Variants in WDFY2 observed in about 807,000 individuals in gnomAD.
WDFY2 encodes WD repeat and FYVE domain containing 2.
In WDFY2, 36 loss-of-function variants were observed where a neutral mutation model predicts 56.4. The ratio of observed to expected loss-of-function variants is 0.64; its 90% CI spans 0.49 to 0.84. The LOEUF is 0.84. Among genes scored for constraint, WDFY2 ranks in the 40% least tolerant of loss-of-function variants. The probability of loss-of-function intolerance (pLI) is 0.00; values close to 1 mark genes in which losing one functional copy is unlikely to be tolerated. For synonymous variants in WDFY2, 176 were observed against 183.7 expected, an observed-to-expected ratio of 0.96 and a Z score of 0.34; for missense variants, 444 against 512.2, an observed-to-expected ratio of 0.87 and a Z score of 1.29.
chr13:51,611,090 G>A (rs1451944099), intron 1 of WDFY2, among the ~76,000 whole-genome samples: 1 of 152,192 alleles, frequency 6.6e-6, no homozygotes, highest in African/African-American at 2.4e-5. Context: ...AAGAATGCTT[G>A]TCTCCAAAAG....
chr13:51,736,399 T>C (rs1952837030), intron 6 of WDFY2, among the ~76,000 whole-genome samples: 1 of 152,188 alleles, frequency 6.6e-6, no homozygotes, highest in Non-Finnish European at 1.5e-5. Context: ...TATAATACCA[T>C]ATCCAAACTT....
At chr13:51,716,649 C>T (rs1457474589) in intron 4 of WDFY2, among the ~76,000 whole-genome samples, 4 of 144,822 alleles carry the variant, frequency 2.8e-5, no homozygotes, top group Non-Finnish European at 3.0e-5. Context: ...GCCGAGATCC[C>T]GCCACTGCAC....
In WDFY2 at chr13:51,762,911, C is replaced by T. The variant is rs1203741963; in HGVS notation, c.*3142C>T. On this transcript the variant is annotated 3_prime_UTR_variant, in exon 12 of 12. Transcript: ENST00000298125. ...CCTCCAAACGAATGACATTACTTGA[C>T]ATTACTGCCTGAGTGTATCTTCACA... 2.6e-5 allele frequency: 4 copies of T among 152,212 alleles called. No homozygotes were observed. Among genetic ancestry groups the T allele is most frequent in the Non-Finnish European group, 5.9e-5 (4 of 68,046 alleles). The allele number at this position is 152,212 out of a possible 1,614,324, so 9.4% of individuals were successfully genotyped here. A position where few individuals can be genotyped will look rare whatever the true frequency, so the allele number is the denominator to read the frequency against.
chr13:51,627,975 G>A (rs556545291), intron 1 of WDFY2, among the ~76,000 whole-genome samples: 4 of 152,144 alleles, frequency 2.6e-5, no homozygotes, highest in Admixed American at 6.5e-5. Flanking sequence ...TGATTGGTTC[G>A]TGGGCAGCCA....
Position 51,751,401 on chromosome 13 carries a change from G to A in WDFY2, c.817G>A (p.Val273Met), listed in dbSNP as rs777737227. 3 of 1,614,082 alleles carry A rather than the reference G, an allele frequency of 1.9e-6. No individual in the cohort carries two copies. The East Asian group carries it at 6.7e-5, about 36-fold the overall frequency. The change falls in exon 8 of 12, where the codon GTG (valine) becomes ATG (methionine). Residue 273 changes from valine (V) to methionine (M), a missense_variant. By Grantham distance (21) the Val-to-Met change is conservative. Transcript: ENST00000298125. ...DGGIVVWNMD[V>M]ERQETPEWLD... is the part of the protein sequence containing the mutation. ...TGGGATTGTCGTCTGGAACATGGAC[G>A]TGGAGAGGCAGGAGGTAGGTGGCAC... is the stretch of plus-strand genomic sequence containing the variant.
intron 7 of WDFY2, among the ~76,000 whole-genome samples, chr13:51,744,165 T>G (rs1953040254): frequency 6.6e-6 from 1 of 152,206 alleles, no homozygotes; most frequent in Non-Finnish European, 1.5e-5. Context: ...CCTTGGAGCT[T>G]GGAAGATTTA....
chr13:51,584,923 G>A, intron 1 of WDFY2, 99 bp downstream of exon 1: 1 of 1,498,828 alleles, frequency 6.7e-7, no homozygotes, highest in Admixed American at 2.2e-5. Context: ...CGCGAGTGTA[G>A]ACTTGCTCCC....
chr13:51,756,267 G>A, intron 9 of WDFY2, 65 bp from the exon 10 acceptor site: 1 of 1,553,950 alleles, frequency 6.4e-7, no homozygotes, highest in South Asian at 1.2e-5. Flanking sequence ...CAGGAGGGGT[G>A]AGATGCGGGG....
At chr13:51,726,979 A>G (rs1952618721) in intron 5 of WDFY2, among the ~76,000 whole-genome samples, 1 of 152,148 alleles carries the variant, frequency 6.6e-6, no homozygotes, top group South Asian at 2.1e-4. Flanking sequence ...TTCCCACTCC[A>G]AGGTTACAAA....
chr13:51,708,356 G>A (rs1018342878), intron 4 of WDFY2, among the ~76,000 whole-genome samples: 2 of 151,362 alleles, frequency 1.3e-5, no homozygotes, highest in African/African-American at 4.9e-5. Flanking sequence ...CAATTAGCCT[G>A]TAGTCTCAGC....
At chr13:51,653,092 CTTTG>C (rs1286055904) in intron 1 of WDFY2, among the ~76,000 whole-genome samples, 4 of 152,170 alleles carry the variant, frequency 2.6e-5, no homozygotes, top group Admixed American at 1.3e-4. Flanking sequence ...TTCTTGGAGG[CTTTG>C]TTTGTTTCTT....
intron 6 of WDFY2, among the ~76,000 whole-genome samples, chr13:51,736,916 C>G (rs1016211653): frequency 2.0e-5 from 3 of 152,158 alleles, no homozygotes; most frequent in Admixed American, 6.5e-5. Context: ...AATGAACAAC[C>G]CTTCCAATTA....
intron 6 of WDFY2, among the ~76,000 whole-genome samples, chr13:51,732,614 A>G (rs985297040): frequency 6.6e-6 from 1 of 152,246 alleles, no homozygotes; most frequent in Non-Finnish European, 1.5e-5. Context: ...ATTGAAGGAA[A>G]CAGTGTAACT....
At chr13:51,644,320 G>A (rs1955228023) in intron 1 of WDFY2, among the ~76,000 whole-genome samples, 1 of 152,158 alleles carries the variant, frequency 6.6e-6, no homozygotes, top group Non-Finnish European at 1.5e-5. Context: ...CCCCTCTCGA[G>A]GGTCTTACTA....
chr13:51,737,152 C>T (rs1057065843), intron 6 of WDFY2, among the ~76,000 whole-genome samples: 5 of 152,114 alleles, frequency 3.3e-5, no homozygotes, highest in Non-Finnish European at 7.4e-5. Flanking sequence ...ATGGGTATGC[C>T]ATGACCTAAA....
intron 3 of WDFY2, among the ~76,000 whole-genome samples, chr13:51,694,558 G>T (rs1388757697): frequency 6.6e-6 from 1 of 152,208 alleles, no homozygotes; most frequent in African/African-American, 2.4e-5. Context: ...TCCGCTGTTA[G>T]TCTGATGGGC....
intron 1 of WDFY2, among the ~76,000 whole-genome samples, chr13:51,639,653 A>C (rs1955119318): frequency 6.6e-6 from 1 of 152,202 alleles, no homozygotes; most frequent in African/African-American, 2.4e-5. Flanking sequence ...CCAGAAACTC[A>C]GTACTTGTCT....
chr13:51,607,883 T>A (rs796828749), intron 1 of WDFY2, among the ~76,000 whole-genome samples: 92 of 152,334 alleles, frequency 6.0e-4, no homozygotes, highest in African/African-American at 2.1e-3. Flanking sequence ...AATGGGGAGA[T>A]CTTCCTGGAC....
chr13:51,647,669 A>G lies in WDFY2; in HGVS notation c.138-12927A>G, dbSNP rs1018811225. ...CTACTTGGGATGCTGAGGTGGGAAG[A>G]TCACTATTTGAGTTCAGTAGTTCAA... On this transcript the variant is annotated intron_variant, in intron 1 of 11. Coordinates refer to ENST00000298125, the MANE Select transcript of WDFY2 (RefSeq NM_052950.4). Among the ~76,000 whole-genome samples the G allele has an allele frequency of 5.3e-5, 8 of 151,564 alleles. No individual in the cohort carries two copies. The Admixed American group carries it at 5.3e-4, about 10-fold the overall frequency.
Sources: gnomAD v4.1 joint callset for allele counts (sites outside exome capture counted in the v4.1 genomes callset) on GRCh38, gnomAD v4.1.1 for gene constraint, MANE v1.5 for transcripts, NCBI Gene and HGNC (gene_info 2026-07-23, HGNC 2026-07-21) for gene names.